SPART: variants seen among roughly 807,000 people sequenced by gnomAD.
The protein encoded by SPART is spartin.
In SPART, 35 loss-of-function variants were observed where a neutral mutation model predicts 58.7. The ratio of observed to expected loss-of-function variants is 0.60; its 90% CI spans 0.46 to 0.79. The LOEUF (loss-of-function observed/expected upper bound fraction) is 0.79, where lower values mean the gene tolerates loss of function less well. Among genes scored for constraint, SPART ranks in the 30% least tolerant of loss-of-function variants. The pLI, the probability that SPART is intolerant of heterozygous loss-of-function variation, is 0.00. For missense variants in SPART, 730 were observed against 786.1 expected, an observed-to-expected ratio of 0.93 and a Z score of 0.85; for synonymous variants, 284 against 280.7, an observed-to-expected ratio of 1.01 and a Z score of -0.12.
At chr13:36,368,953 C>T (rs1001494491) in intron 1 of SPART, among the ~76,000 whole-genome samples, 1 of 152,118 alleles carries the variant, frequency 6.6e-6, no homozygotes, top group Non-Finnish European at 1.5e-5. Flanking sequence ...GAGCTGAGAT[C>T]GTGCCACTGC....
chr13:36,348,739 A>C (rs1885295857), upstream of SPART, among the ~76,000 whole-genome samples: 1 of 152,230 alleles, frequency 6.6e-6, no homozygotes, highest in Non-Finnish European at 1.5e-5. Flanking sequence ...AAGGGTTGAA[A>C]GACTTCATAT....
intron 5 of SPART, 170 bp downstream of exon 5, chr13:36,326,405 A>G (rs997412526): frequency 1.9e-5 from 14 of 722,428 alleles, no homozygotes; most frequent in African/African-American, 5.3e-5. Flanking sequence ...TTATATGACA[A>G]TATCTGATGT....
rs778145346 is a variant in SPART, at chr13:36,304,346, A to C, written c.*19T>G. 12 of 1,613,876 alleles carry C rather than the reference A, an allele frequency of 7.4e-6. No homozygotes were observed. In the South Asian group the frequency reaches 8.8e-5, roughly 12 times the overall value. On this transcript the variant is annotated 3_prime_UTR_variant, in exon 9 of 9. Transcript: ENST00000438666. Reference sequence around the variant, plus strand: ...ATCCATTTCATAAGGCTTTGGTATAAGTGATTCCCAGCACTTCATCATTTA... The same window carrying C: ...ATCCATTTCATAAGGCTTTGGTATACGTGATTCCCAGCACTTCATCATTTA...
At chr13:36,364,518 C>A (rs975947677) in intron 1 of SPART, among the ~76,000 whole-genome samples, 2 of 152,104 alleles carry the variant, frequency 1.3e-5, no homozygotes, top group African/African-American at 4.8e-5. Flanking sequence ...GGGATCAGCT[C>A]ACGTTGTTCT....
intron 5 of SPART, among the ~76,000 whole-genome samples, chr13:36,316,978 T>G (rs1478543861): frequency 1.3e-5 from 2 of 152,208 alleles, no homozygotes; most frequent in Non-Finnish European, 2.9e-5. Context: ...CTCTTTCTCC[T>G]TTCAATCTTG....
At chr13:36,314,498 C>A in intron 5 of SPART, 77 bp from the exon 6 acceptor site, 2 of 1,389,096 alleles carry the variant, frequency 1.4e-6, no homozygotes, top group Admixed American at 1.7e-5. Context: ...ATAACATCAA[C>A]CAGAAAAAAA....
chr13:36,335,890 G>A (rs577237738), intron 1 of SPART, 58 bp from the exon 2 acceptor site: 150 of 1,313,088 alleles, frequency 1.1e-4, no homozygotes, highest in Non-Finnish European at 1.4e-4. Flanking sequence ...CTTATGATTC[G>A]TATCTCCTAC....
At chr13:36,309,553 C>T (rs1399054785) in intron 8 of SPART, among the ~76,000 whole-genome samples, 1 of 135,882 alleles carries the variant, frequency 7.4e-6, no homozygotes, top group Non-Finnish European at 1.6e-5. Flanking sequence ...TACTACACAG[C>T]CCTAAAAAAA....
Position 36,331,488 on chromosome 13 carries a change from C to G in SPART, c.919G>C (p.Val307Leu). ...DTMLQAAGCF[V>L]GVVLSSELPE... ...AACTCAGAGGACAGGACGACCCCCACAAAGCATCCTGCTGCTTGTAGCATT... is the reference window on the plus strand; with the variant it reads ...AACTCAGAGGACAGGACGACCCCCAGAAAGCATCCTGCTGCTTGTAGCATT... The change falls in exon 3 of 9, where the codon GTG becomes CTG. Residue 307 changes from valine (V) to leucine (L), a missense_variant. Val to Leu is a conservative substitution (Grantham distance 32). Coordinates refer to ENST00000438666, the MANE Select transcript of SPART (RefSeq NM_015087.5). 2 of 1,614,062 alleles carry G rather than the reference C, an allele frequency of 1.2e-6. No homozygotes were observed. The highest frequency in any genetic ancestry group is 2.2e-5 in the East Asian group (1 of 44,878).
Position 36,335,425 on chromosome 13 carries a change from G to A in SPART, c.406C>T (p.Pro136Ser). 6.2e-7 allele frequency: 1 copy of A among 1,614,124 alleles called. No individual in the cohort carries two copies. The highest frequency in any genetic ancestry group is 1.1e-5 in the South Asian group (1 of 91,084). The change falls in exon 2 of 9, where the codon CCT becomes TCT. Residue 136 changes from proline to serine, a missense_variant. By Grantham distance (74) the Pro-to-Ser change is moderately conservative. Transcript: ENST00000438666. ...TTTCCATTTACTTCAGCATGCTGAG[G>A]AGCTGAACTAAAAGACTGAGGCTCT... ...LPEPQSFSSAPQHAEVNGNTS... is the reference protein window; with the variant it reads ...LPEPQSFSSASQHAEVNGNTS...
chr13:36,313,451 C>T (rs1881334455), intron 6 of SPART, among the ~76,000 whole-genome samples: 1 of 152,192 alleles, frequency 6.6e-6, no homozygotes, highest in African/African-American at 2.4e-5. Context: ...GTTAAAAAGT[C>T]TACAATAGTG....
intron 5 of SPART, among the ~76,000 whole-genome samples, chr13:36,325,324 G>A (rs1368552431): frequency 6.6e-6 from 1 of 152,088 alleles, no homozygotes; most frequent in African/African-American, 2.4e-5. Context: ...TTTAACTATC[G>A]CAACTACATT....
intron 1 of SPART, among the ~76,000 whole-genome samples, chr13:36,338,860 G>A (rs767553421): frequency 2.0e-5 from 3 of 152,042 alleles, no homozygotes; most frequent in Non-Finnish European, 2.9e-5. Flanking sequence ...TAGTGACAGT[G>A]AGAGTTCCCT....
At chr13:36,318,028 G>A (rs1055863462) in intron 5 of SPART, among the ~76,000 whole-genome samples, 2 of 151,818 alleles carry the variant, frequency 1.3e-5, no homozygotes, top group Non-Finnish European at 2.9e-5. Flanking sequence ...TTTCCCTCCC[G>A]CCTGTCCCCT....
intron 6 of SPART, chr13:36,313,889 T>A (rs930058579): frequency 1.9e-5 from 6 of 312,344 alleles, no homozygotes; most frequent in Non-Finnish European, 3.6e-5. Flanking sequence ...TTTTCAAAGA[T>A]ACACACATTC....
chr13:36,307,388 G>GCAA (rs1470274439), intron 8 of SPART, among the ~76,000 whole-genome samples: 1 of 152,052 alleles, frequency 6.6e-6, no homozygotes, highest in Non-Finnish European at 1.5e-5. Context: ...TTCATCCAGT[G>GCAA]CAAATTTAGG....
intron 8 of SPART, among the ~76,000 whole-genome samples, chr13:36,310,215 T>C (rs1880949014): frequency 6.6e-6 from 1 of 152,208 alleles, no homozygotes; most frequent in Admixed American, 6.5e-5. Flanking sequence ...CTCAACTAAA[T>C]GCTGTCAATA....
At chr13:36,316,403 TGAA>T (rs1015140678) in intron 5 of SPART, among the ~76,000 whole-genome samples, 9 of 143,008 alleles carry the variant, frequency 6.3e-5, no homozygotes, top group South Asian at 2.3e-4. Context: ...CTGAAGTAAC[TGAA>T]GAATCACAAA....
At chr13:36,367,770 T>C (rs972367153) in intron 1 of SPART, among the ~76,000 whole-genome samples, 6 of 152,200 alleles carry the variant, frequency 3.9e-5, no homozygotes, top group African/African-American at 1.2e-4. Context: ...ACAGGTGATA[T>C]CTCCTCACTC....
Sources: allele counts gnomAD v4.1 joint callset (sites outside exome capture counted in the v4.1 genomes callset), GRCh38; gene constraint gnomAD v4.1.1; transcripts MANE v1.5; gene names NCBI Gene and HGNC (gene_info 2026-07-23, HGNC 2026-07-21).